Variants in TNFSF4 observed in about 807,000 individuals in gnomAD.
TNFSF4 encodes tumor necrosis factor ligand superfamily member 4.
A neutral mutation model predicts 7.3 loss-of-function variants in TNFSF4; 4 were observed. The observed-to-expected ratio is 0.55, with a 90% CI of 0.27 to 1.25. TNFSF4 has a LOEUF of 1.25. TNFSF4 is among the 50% of genes most tolerant of loss of function. The pLI is 0.12. For missense variants in TNFSF4, 181 were observed against 208.8 expected (o/e 0.87, Z 0.82); for synonymous variants, 76 against 83.7 (o/e 0.91, Z 0.50).
At chr1:173,363,010 G>T in the TNFSF4 span, 2 of 384,970 alleles carry the variant, frequency 5.2e-6, no homozygotes, top group Non-Finnish European at 1.0e-5. Flanking sequence ...ATGCGGACTT[G>T]CCTTATCTTC....
chr1:173,252,931 C>T, the TNFSF4 span, among the ~76,000 whole-genome samples: 1 of 152,192 alleles, frequency 6.6e-6, no homozygotes, highest in Non-Finnish European at 1.5e-5. Flanking sequence ...TTCAGAACTT[C>T]CTTGAAATCT....
chr1:173,222,513 T>A, the TNFSF4 span, among the ~76,000 whole-genome samples: 1 of 152,200 alleles, frequency 6.6e-6, no homozygotes, highest in Non-Finnish European at 1.5e-5. Context: ...GAAGGACTGG[T>A]TTAAAATTAG....
chr1:173,326,502 G>A, the TNFSF4 span, among the ~76,000 whole-genome samples: 1 of 151,992 alleles, frequency 6.6e-6, no homozygotes, highest in Non-Finnish European at 1.5e-5. Flanking sequence ...ACATAGTGTT[G>A]GAAGTTCTGG....
the TNFSF4 span, among the ~76,000 whole-genome samples, chr1:173,372,272 C>T: frequency 2.6e-5 from 4 of 152,168 alleles, no homozygotes; most frequent in East Asian, 7.7e-4. Context: ...GACTATGGAT[C>T]CCCGGATACA....
chr1:173,231,730 A>G, the TNFSF4 span, among the ~76,000 whole-genome samples: 3 of 152,192 alleles, frequency 2.0e-5, no homozygotes, highest in Admixed American at 2.0e-4. Context: ...TCTCAGCCCA[A>G]AATCTACTTA....
At chr1:173,246,122 A>T in the TNFSF4 span, among the ~76,000 whole-genome samples, 2 of 152,138 alleles carry the variant, frequency 1.3e-5, no homozygotes, top group African/African-American at 2.4e-5. Flanking sequence ...TATTTAGGGT[A>T]GTCCTATTTT....
chr1:173,406,932 T>G, the TNFSF4 span, among the ~76,000 whole-genome samples: 1 of 151,656 alleles, frequency 6.6e-6, no homozygotes, highest in African/African-American at 2.4e-5. Context: ...GCCTGTTGGG[T>G]GGTACTGGGT....
chr1:173,279,595 T>C, the TNFSF4 span, among the ~76,000 whole-genome samples: 2 of 152,152 alleles, frequency 1.3e-5, no homozygotes, highest in African/African-American at 4.8e-5. Context: ...TCTGCTCCTC[T>C]GTGTTTTCTA....
the TNFSF4 span, among the ~76,000 whole-genome samples, chr1:173,270,457 A>G: frequency 2.0e-5 from 3 of 152,058 alleles, no homozygotes; most frequent in Non-Finnish European, 4.4e-5. Context: ...AGGGGTTACA[A>G]CTGAGGGTGA....
the TNFSF4 span, among the ~76,000 whole-genome samples, chr1:173,425,213 C>T: frequency 2.1e-3 from 325 of 152,286 alleles, 4 homozygotes; most frequent in African/African-American, 7.6e-3. Context: ...TTCTGGCTTA[C>T]ACTTGGCTCA....
At chr1:173,317,753 A>AT in the TNFSF4 span, among the ~76,000 whole-genome samples, 1 of 152,216 alleles carries the variant, frequency 6.6e-6, no homozygotes, top group Admixed American at 6.5e-5. Context: ...CTAACTGTAG[A>AT]TTTTGACAAA....
the TNFSF4 span, among the ~76,000 whole-genome samples, chr1:173,416,971 T>C: frequency 1.3e-5 from 2 of 152,168 alleles, no homozygotes; most frequent in Non-Finnish European, 2.9e-5. Flanking sequence ...TCCTGAAACG[T>C]CTTTTAATCA....
the TNFSF4 span, among the ~76,000 whole-genome samples, chr1:173,260,293 A>C: frequency 6.6e-6 from 1 of 152,224 alleles, no homozygotes; most frequent in Admixed American, 6.5e-5. Flanking sequence ...GCAAATGCTG[A>C]GGGAATTTGT....
chr1:173,233,634 T>C, the TNFSF4 span, among the ~76,000 whole-genome samples: 2 of 152,256 alleles, frequency 1.3e-5, no homozygotes, highest in Non-Finnish European at 2.9e-5. Flanking sequence ...TAAGTTTTAG[T>C]GTTCCCTTTA....
the TNFSF4 span, among the ~76,000 whole-genome samples, chr1:173,250,158 C>T: frequency 1.3e-5 from 2 of 152,314 alleles, no homozygotes; most frequent in East Asian, 1.9e-4. Context: ...TATACGGCAT[C>T]TAGTGACTAA....
the TNFSF4 span, among the ~76,000 whole-genome samples, chr1:173,300,672 A>G: frequency 6.7e-6 from 1 of 150,356 alleles, no homozygotes; most frequent in Non-Finnish European, 1.5e-5. Flanking sequence ...CCCCCACCCC[A>G]AAAAATAAAC....
At chr1:173,250,032 G>C in the TNFSF4 span, among the ~76,000 whole-genome samples, 15 of 152,024 alleles carry the variant, frequency 9.9e-5, no homozygotes, top group East Asian at 2.9e-3. Flanking sequence ...AAAAAAAAAA[G>C]TTCCTGAACC....
chr1:173,318,863 T>A, the TNFSF4 span, among the ~76,000 whole-genome samples: 1 of 152,178 alleles, frequency 6.6e-6, no homozygotes, highest in Non-Finnish European at 1.5e-5. Context: ...ATCAGGAGAC[T>A]CCCTCATGTG....
At chr1:173,225,600 T>G in the TNFSF4 span, among the ~76,000 whole-genome samples, 1 of 152,216 alleles carries the variant, frequency 6.6e-6, no homozygotes, top group Non-Finnish European at 1.5e-5. Context: ...GTGTTTTAAG[T>G]ATTCTCTGAA....
Sources: gnomAD v4.1 joint callset for allele counts (sites outside exome capture counted in the v4.1 genomes callset) on GRCh38, gnomAD v4.1.1 for gene constraint, MANE v1.5 for transcripts, NCBI Gene and HGNC (gene_info 2026-07-23, HGNC 2026-07-21) for gene names.